Variants in CD81 observed in about 807,000 individuals in gnomAD.
CD81 encodes the protein CD81 molecule.
A neutral mutation model predicts 30.1 loss-of-function variants in CD81; 10 were observed. That is an observed-to-expected ratio of 0.33 (90% CI 0.21 to 0.56). The LOEUF (loss-of-function observed/expected upper bound fraction) is 0.56, where lower values mean the gene tolerates loss of function less well. Ranked by LOEUF, CD81 falls within the 20% of genes least tolerant of loss-of-function variation. The pLI, the probability that CD81 is intolerant of heterozygous loss-of-function variation, is 0.89. For synonymous variants in CD81, 147 were observed against 126.4 expected (o/e 1.16, Z -1.10); for missense variants, 263 against 308.7 (o/e 0.85, Z 1.11).
At chr11:2,392,555 C>G (rs1348553707) in intron 2 of CD81, 1 of 152,396 alleles carries the variant, frequency 6.6e-6, no homozygotes, top group Non-Finnish European at 1.5e-5. Flanking sequence ...CACACGACCA[C>G]AGGACCTGCC....
intron 2 of CD81, chr11:2,392,084 G>C (rs1230197365): frequency 6.6e-6 from 1 of 152,250 alleles, no homozygotes; most frequent in African/African-American, 2.4e-5. Context: ...TCCTGTCCAG[G>C]GACAGGAGGG....
rs967772801 is a variant in CD81 at position 2,390,440 on chromosome 11, C to G, written c.95C>G (p.Ala32Gly). ...GCTGGAGGCGTGATCCTGGGTGTGGCCCTGTGGCTCCGCCATGACCCGCAG... is the reference window on the plus strand; with the variant it reads ...GCTGGAGGCGTGATCCTGGGTGTGGGCCTGTGGCTCCGCCATGACCCGCAG... ...WLAGGVILGV[A>G]LWLRHDPQTT... Residue 32 changes from alanine (A) to glycine (G), a missense_variant, in exon 2 of 8, where the codon GCC becomes GGC. By Grantham distance (60) the Ala-to-Gly change is moderately conservative (BLOSUM62 0). This residue lies in a region of CD81 where 84 missense variants were observed against 98.2 expected (regional missense o/e 0.86). Transcript: ENST00000263645. 1 of 1,612,732 alleles carries G rather than the reference C, an allele frequency of 6.2e-7. No homozygotes were observed. The highest frequency in any genetic ancestry group is 1.3e-5 in the African/African-American group (1 of 74,942).
chr11:2,388,207 C>T (rs765792686), intron 1 of CD81, among the ~76,000 whole-genome samples: 4 of 152,232 alleles, frequency 2.6e-5, no homozygotes, highest in African/African-American at 4.8e-5. Flanking sequence ...CTACCACGCC[C>T]AGCCCCCTCT....
intron 4 of CD81, 99 bp from the exon 5 acceptor site, chr11:2,395,317 A>G: frequency 3.2e-6 from 3 of 933,532 alleles, no homozygotes; most frequent in Non-Finnish European, 5.0e-6. Context: ...CACCCTGCCC[A>G]GGGAGAGCCT....
chr11:2,396,751 T>C, intron 7 of CD81, 37 bp downstream of exon 7: 1 of 1,611,328 alleles, frequency 6.2e-7, no homozygotes, highest in Non-Finnish European at 8.5e-7. Flanking sequence ...CTCTCTGGGC[T>C]GCCCCTTCCG....
chr11:2,377,382 C>T lies in CD81; in HGVS notation c.-168C>T, dbSNP rs1460616464. Reference sequence around the variant, plus strand: ...CGCATCCTGCCAGGCCTCCGGCGCCCAGCGCCCCACGCGCCCCCGCGCCCC... The same window carrying T: ...CGCATCCTGCCAGGCCTCCGGCGCCTAGCGCCCCACGCGCCCCCGCGCCCC... On this transcript the variant is annotated 5_prime_UTR_variant, in exon 1 of 8. Transcript: ENST00000263645. The surrounding 1 kb of genome is among the most constrained non-coding windows in gnomAD (Gnocchi z 7.7). 1 of 152,592 alleles carries T rather than the reference C, an allele frequency of 6.6e-6. No individual in the cohort carries two copies. Among genetic ancestry groups the T allele is most frequent in the East Asian group, 2.0e-4 (1 of 5,104 alleles). 9.5% of individuals were successfully genotyped at this position (152,592 alleles called of 1,614,324 possible). A position where few individuals can be genotyped will look rare whatever the true frequency, so the allele number is the denominator to read the frequency against.
chr11:2,390,107 T>TAAAGAA, intron 1 of CD81: 1 of 516,862 alleles, frequency 1.9e-6, no homozygotes, highest in South Asian at 2.0e-5. Context: ...AGAAGTATTC[T>TAAAGAA]GTTTTCATCT....
At position 2,396,675 on chromosome 11, in the gene CD81, C is replaced by T; in HGVS notation, c.609C>T (p.Tyr203=). 6.2e-7 allele frequency: 1 copy of T among 1,611,936 alleles called. No individual in the cohort carries two copies. The highest frequency in any genetic ancestry group is 8.5e-7 in the Non-Finnish European group (1 of 1,179,998). ...KIDDLFSGKL[Y]LIGIAAIVVA... ...ATGACCTCTTCTCCGGGAAGCTGTACCTCATCGGCATTGCTGCCATCGTGG... is the reference window on the plus strand; with the variant it reads ...ATGACCTCTTCTCCGGGAAGCTGTATCTCATCGGCATTGCTGCCATCGTGG... Residue 203 remains tyrosine (Y), a synonymous_variant, in exon 7 of 8, where the codon TAC becomes TAT. Coordinates refer to ENST00000263645, the MANE Select transcript of CD81 (RefSeq NM_004356.4).
At chr11:2,380,213 C>T (rs1450073138) in intron 1 of CD81, among the ~76,000 whole-genome samples, 1 of 152,120 alleles carries the variant, frequency 6.6e-6, no homozygotes, top group Admixed American at 6.5e-5. Flanking sequence ...GGGAACCCTG[C>T]AGGGTCCAGA....
At chr11:2,396,553 G>A (rs1850009474) in intron 6 of CD81, 75 bp from the exon 7 acceptor site, 10 of 1,246,232 alleles carry the variant, frequency 8.0e-6, no homozygotes, top group Admixed American at 1.7e-5. Flanking sequence ...TGGTGACCAC[G>A]GATTACTGCG....
chr11:2,396,448 T>C (rs957498369), intron 6 of CD81, 180 bp from the exon 7 acceptor site: 6 of 649,186 alleles, frequency 9.2e-6, no homozygotes, highest in Admixed American at 2.3e-5. Flanking sequence ...GGGTGGAAGA[T>C]AGCAAGCCGG....
At chr11:2,379,082 C>T in intron 1 of CD81, 1 of 446,752 alleles carries the variant, frequency 2.2e-6, no homozygotes, top group Admixed American at 2.4e-5. Context: ...GCTCGCCTTC[C>T]CCAGGCCCGG....
chr11:2,386,560 G>A (rs2133450024), intron 1 of CD81: 1 of 717,220 alleles, frequency 1.4e-6, no homozygotes, highest in East Asian at 2.7e-5. Context: ...CCTAGCTCCA[G>A]CTCAAGGTCC....
chr11:2,396,640 C>G lies in CD81; in HGVS notation c.574C>G (p.Gln192Glu). Residue 192 changes from glutamine (Q) to glutamate (E), a missense_variant, in exon 7 of 8, where the codon CAG becomes GAG. Physicochemically the swap from Gln to Glu is conservative, Grantham distance 29 (BLOSUM62 2). Around this residue, in one of 3 missense-constraint regions of CD81, gnomAD observed 176 missense variants for 192.9 expected, o/e 0.91. Transcript: ENST00000263645. ...ISNLFKEDCH[Q>E]KIDDLFSGKL... ...GCCACCCCTGCAGGAGGACTGCCAC[C>G]AGAAGATCGATGACCTCTTCTCCGG... 6.2e-7 allele frequency: 1 copy of G among 1,611,422 alleles called. No individual in the cohort carries two copies. The highest frequency in any genetic ancestry group is 8.5e-7 in the Non-Finnish European group (1 of 1,179,952).
intron 6 of CD81, 136 bp downstream of exon 6, chr11:2,396,106 T>A: frequency 1.8e-6 from 1 of 545,368 alleles, no homozygotes; most frequent in Non-Finnish European, 3.5e-6. Flanking sequence ...TCAGGGCTGC[T>A]CTGCTGGGAG....
At position 2,395,447 on chromosome 11, in the gene CD81, A is replaced by G; in HGVS notation, c.386A>G (p.Gln129Arg). The G allele has an allele frequency of 1.9e-6, 3 of 1,612,772 alleles. No individual in the cohort carries two copies. The highest frequency in any genetic ancestry group is 2.5e-6 in the Non-Finnish European group (3 of 1,179,890). Residue 129 changes from glutamine to arginine, a missense_variant, in exon 5 of 8, where the codon CAG becomes CGG. Around this residue, in one of 3 missense-constraint regions of CD81, gnomAD observed 176 missense variants for 192.9 expected, o/e 0.91. Transcript: ENST00000263645. ...AAGGATGTGAAGCAGTTCTATGACCAGGCCCTACAGCAGGCCGTGGTGGAT... is the reference window on the plus strand; with the variant it reads ...AAGGATGTGAAGCAGTTCTATGACCGGGCCCTACAGCAGGCCGTGGTGGAT... ...IAKDVKQFYD[Q>R]ALQQAVVDDD...
chr11:2,380,351 G>T (rs149560538), intron 1 of CD81, among the ~76,000 whole-genome samples: 1 of 151,830 alleles, frequency 6.6e-6, no homozygotes, highest in Admixed American at 6.6e-5. Flanking sequence ...GTGGGAGAAG[G>T]CAGCTGGGGT....
intron 1 of CD81, among the ~76,000 whole-genome samples, chr11:2,385,129 T>C (rs1849769268): frequency 6.6e-6 from 1 of 152,172 alleles, no homozygotes; most frequent in African/African-American, 2.4e-5. Flanking sequence ...CTGGGGTCTT[T>C]GGGGCCCAGA....
intron 2 of CD81, chr11:2,391,669 G>A (rs1849902825): frequency 6.6e-6 from 1 of 152,084 alleles, no homozygotes; most frequent in Non-Finnish European, 1.5e-5. Context: ...CCATGGCCCT[G>A]CCCATAGGTT....
Sources: gnomAD v4.1 joint callset for allele counts (sites outside exome capture counted in the v4.1 genomes callset) on GRCh38, gnomAD v4.1.1 for gene constraint, gnomAD v4.1.1 regional missense constraint, Gnocchi (gnomAD v3.1) non-coding constraint, MANE v1.5 for transcripts, NCBI Gene and HGNC (gene_info 2026-07-23, HGNC 2026-07-21) for gene names.